The following FRMD4B variants were observed in gnomAD, a reference collection of about 807,000 sequenced individuals.
FRMD4B encodes FERM domain containing 4B.
FRMD4B carries 74 observed loss-of-function variants against 141.5 expected under a neutral mutation model. That is an observed-to-expected ratio of 0.52 (90% CI 0.43 to 0.63). FRMD4B has a LOEUF of 0.63. Ranked by LOEUF, FRMD4B falls within the 30% of genes least tolerant of loss-of-function variation. FRMD4B has a pLI of 0.00. For missense variants in FRMD4B, 1,366 were observed against 1,253.4 expected (o/e 1.09, Z -1.36); for synonymous variants, 506 against 467.9 (o/e 1.08, Z -1.05).
chr3:69,353,022 C>G (rs1460755884), intron 1 of FRMD4B, among the ~76,000 whole-genome samples: 1 of 152,022 alleles, frequency 6.6e-6, no homozygotes, highest in East Asian at 1.9e-4. Flanking sequence ...TTCTGTGTTG[C>G]TTACTGACAC....
At chr3:69,437,155 C>A (rs1051613842) in intron 1 of FRMD4B, among the ~76,000 whole-genome samples, 1 of 152,122 alleles carries the variant, frequency 6.6e-6, no homozygotes, top group Non-Finnish European at 1.5e-5. Context: ...TCACTGCAGT[C>A]TCAAACCCCC....
chr3:69,499,366 T>G (rs1281920517), intron 1 of FRMD4B, among the ~76,000 whole-genome samples: 2 of 152,146 alleles, frequency 1.3e-5, no homozygotes, highest in Non-Finnish European at 2.9e-5. Flanking sequence ...ACAGAGTGCA[T>G]GAAAAACAAC....
chr3:69,479,749 G>A (rs1326138423), intron 1 of FRMD4B, among the ~76,000 whole-genome samples: 1 of 152,046 alleles, frequency 6.6e-6, no homozygotes, highest in African/African-American at 2.4e-5. Context: ...TCTGAATGTT[G>A]GCCTGCCTTG....
intron 1 of FRMD4B, among the ~76,000 whole-genome samples, chr3:69,519,463 T>C (rs960967482): frequency 6.6e-6 from 1 of 152,148 alleles, no homozygotes; most frequent in African/African-American, 2.4e-5. Context: ...GGAATCCCCC[T>C]GTTGGAAAGC....
At chr3:69,349,731 C>G (rs1039662490) in intron 1 of FRMD4B, among the ~76,000 whole-genome samples, 17 of 152,242 alleles carry the variant, frequency 1.1e-4, no homozygotes, top group Middle Eastern at 3.4e-3. Context: ...GGAAAGGATT[C>G]CCTATTTAAT....
intron 2 of FRMD4B, among the ~76,000 whole-genome samples, chr3:69,423,039 GC>G (rs998722829): frequency 6.6e-6 from 1 of 152,126 alleles, no homozygotes; most frequent in African/African-American, 2.4e-5. Context: ...GACCATAAGG[GC>G]CCTTTTTTGT....
Position 69,405,804 on chromosome 3 carries a change from A to C in FRMD4B, c.-1+26830T>G, listed in dbSNP as rs561928441. Among the ~76,000 whole-genome samples, 267 of 152,338 alleles carry C rather than the reference A, an allele frequency of 1.8e-3. 11 individuals are homozygous for C. In the South Asian group the frequency reaches 0.054, roughly 31 times the overall value. ...GATGACCTGCTTTCTGGTCTGCAGA[A>C]AAAGCCTCCTAGTTCCAACTGAAAT... On this transcript the variant is annotated intron_variant, in intron 2 of 5. Coordinates refer to the FRMD4B transcript ENST00000459638.
chr3:69,492,108 GA>G (rs1706309162), intron 1 of FRMD4B, among the ~76,000 whole-genome samples: 1 of 152,194 alleles, frequency 6.6e-6, no homozygotes, highest in Admixed American at 6.5e-5. Flanking sequence ...TGGCAATCAA[GA>G]TTCCCTCTCA....
At chr3:69,343,410 A>T (rs1320104818) in intron 1 of FRMD4B, among the ~76,000 whole-genome samples, 1 of 152,034 alleles carries the variant, frequency 6.6e-6, no homozygotes, top group Non-Finnish European at 1.5e-5. Context: ...CCTATCAAAA[A>T]CAGAACCTTT....
At chr3:69,484,017 T>C (rs143901535) in intron 1 of FRMD4B, among the ~76,000 whole-genome samples, 4 of 152,370 alleles carry the variant, frequency 2.6e-5, no homozygotes, top group Admixed American at 1.3e-4. Flanking sequence ...CTGCATTTAT[T>C]ACATTCTCCT....
intron 7 of FRMD4B, among the ~76,000 whole-genome samples, chr3:69,227,662 CA>C (rs200502285): frequency 0.075 from 6,635 of 88,332 alleles, 216 homozygotes; most frequent in East Asian, 0.16. Flanking sequence ...GACTTTGTCT[CA>C]AAAAAAAAAA....
intron 1 of FRMD4B, among the ~76,000 whole-genome samples, chr3:69,457,717 A>G (rs562591247): frequency 1.3e-5 from 2 of 152,348 alleles, no homozygotes; most frequent in South Asian, 4.1e-4. Flanking sequence ...TTACCGTTCT[A>G]TCTAGATTAG....
intron 1 of FRMD4B, among the ~76,000 whole-genome samples, chr3:69,341,529 C>T (rs1477055127): frequency 6.6e-6 from 1 of 152,170 alleles, no homozygotes; most frequent in African/African-American, 2.4e-5. Flanking sequence ...ATTCTAAATA[C>T]CTTCCACAGA....
intron 1 of FRMD4B, among the ~76,000 whole-genome samples, chr3:69,444,873 T>C (rs940915685): frequency 6.6e-6 from 1 of 152,194 alleles, no homozygotes; most frequent in South Asian, 2.1e-4. Context: ...CTAAACTAGA[T>C]GTAAATAGCC....
chr3:69,422,254 G>A (rs577754593), intron 2 of FRMD4B, among the ~76,000 whole-genome samples: 4 of 152,122 alleles, frequency 2.6e-5, no homozygotes, highest in East Asian at 1.9e-4. Context: ...TTAGCTGGGC[G>A]TGGTGGCATG....
intron 5 of FRMD4B, among the ~76,000 whole-genome samples, chr3:69,282,409 C>A (rs2093648748): frequency 1.3e-5 from 2 of 152,126 alleles, no homozygotes; most frequent in African/African-American, 4.8e-5. Flanking sequence ...AGCTACCAAC[C>A]ATCAGTGACT....
chr3:69,438,915 C>T (rs930361284), intron 1 of FRMD4B, among the ~76,000 whole-genome samples: 4 of 152,116 alleles, frequency 2.6e-5, no homozygotes, highest in African/African-American at 9.7e-5. Context: ...CATATTTTTT[C>T]ACATCCTGTC....
intron 11 of FRMD4B, among the ~76,000 whole-genome samples, chr3:69,203,320 C>CAAAAAAAAAAAAAAAAAAAAAAAGAA (rs2092989311): frequency 9.3e-6 from 1 of 107,898 alleles, no homozygotes; most frequent in African/African-American, 3.7e-5. Flanking sequence ...CAAACTTCAG[C>CAAAAAAAAAAAAAAAAAAAAAAAGAA]AAAAAAAAAA....
At chr3:69,478,085 T>G (rs913139826) in intron 1 of FRMD4B, among the ~76,000 whole-genome samples, 1 of 152,196 alleles carries the variant, frequency 6.6e-6, no homozygotes, top group African/African-American at 2.4e-5. Flanking sequence ...TCTATTTGAT[T>G]CTTCTCTCTT....
Sources: allele counts gnomAD v4.1 joint callset (sites outside exome capture counted in the v4.1 genomes callset), GRCh38; gene constraint gnomAD v4.1.1; transcripts MANE v1.5; gene names NCBI Gene and HGNC (gene_info 2026-07-23, HGNC 2026-07-21).